Variants in DIP2C observed in about 807,000 individuals in gnomAD.
DIP2C encodes the protein DIP2 acetate--CoA ligase C (putative).
A neutral mutation model predicts 192.4 loss-of-function variants in DIP2C; 33 were observed. The observed-to-expected ratio is 0.17, with a 90% CI of 0.13 to 0.23. The LOEUF (loss-of-function observed/expected upper bound fraction) is 0.23. DIP2C is among the 10% of genes least tolerant of loss of function. The pLI is 1.00. For synonymous variants in DIP2C, 979 were observed against 864.1 expected (o/e 1.13, Z -2.33); for missense variants, 1,537 against 2,110.1 (o/e 0.73, Z 5.32).
At chr10:672,142 C>A (rs545746913) in intron 1 of DIP2C, among the ~76,000 whole-genome samples, 2 of 145,984 alleles carry the variant, frequency 1.4e-5, no homozygotes, top group Non-Finnish European at 3.0e-5. Context: ...GACACATGGA[C>A]GGAGGAAACA....
intron 1 of DIP2C, among the ~76,000 whole-genome samples, chr10:585,870 C>G (rs1039434675): frequency 6.6e-6 from 1 of 152,212 alleles, no homozygotes; most frequent in Non-Finnish European, 1.5e-5. Context: ...TTTATCTATA[C>G]TTAAATGCAT....
chr10:580,083 A>C (rs902155494), intron 1 of DIP2C, among the ~76,000 whole-genome samples: 1 of 152,140 alleles, frequency 6.6e-6, no homozygotes, highest in Non-Finnish European at 1.5e-5. Context: ...TGCATATAGC[A>C]TACACATGCA....
At chr10:598,245 G>A (rs1461491379) in intron 1 of DIP2C, among the ~76,000 whole-genome samples, 1 of 149,378 alleles carries the variant, frequency 6.7e-6, no homozygotes, top group Non-Finnish European at 1.5e-5. Flanking sequence ...CCACCCCAAG[G>A]GCAGCTCACC....
chr10:579,707 T>C (rs1030814921), intron 1 of DIP2C, among the ~76,000 whole-genome samples: 1 of 152,030 alleles, frequency 6.6e-6, no homozygotes, highest in Non-Finnish European at 1.5e-5. Context: ...GTACACATAG[T>C]GTACACACAT....
chr10:420,005 A>C (rs924240524), intron 5 of DIP2C, among the ~76,000 whole-genome samples: 10 of 152,144 alleles, frequency 6.6e-5, no homozygotes, highest in Admixed American at 6.5e-4. Flanking sequence ...TCACACCCAG[A>C]ATCTTGATGA....
At chr10:507,263 C>G (rs1345879257) in intron 1 of DIP2C, among the ~76,000 whole-genome samples, 1 of 151,618 alleles carries the variant, frequency 6.6e-6, no homozygotes, top group East Asian at 1.9e-4. Flanking sequence ...TGGTCACCCG[C>G]TGTGTCCAAT....
chr10:372,176 A>G (rs1468693123), intron 17 of DIP2C, among the ~76,000 whole-genome samples: 3 of 151,696 alleles, frequency 2.0e-5, no homozygotes, highest in Non-Finnish European at 4.4e-5. Flanking sequence ...CCCGGATTCA[A>G]GCCATTCTCC....
chr10:309,186 G>A (rs183734129), intron 32 of DIP2C, among the ~76,000 whole-genome samples: 1 of 152,188 alleles, frequency 6.6e-6, no homozygotes, highest in Admixed American at 6.5e-5. Flanking sequence ...TTCCTCTCTG[G>A]CATCTTAGTG....
chr10:600,015 G>A (rs541933586), intron 1 of DIP2C, among the ~76,000 whole-genome samples: 15 of 152,272 alleles, frequency 9.9e-5, no homozygotes, highest in South Asian at 6.2e-4. Flanking sequence ...TCATGCCAGC[G>A]GGCATCCAGC....
At chr10:400,868 G>A (rs1283225997) in intron 9 of DIP2C, among the ~76,000 whole-genome samples, 11 of 150,592 alleles carry the variant, frequency 7.3e-5, no homozygotes, top group Admixed American at 3.3e-4. Flanking sequence ...TACACGTGTG[G>A]CAGCATTAGC....
chr10:346,589 T>C (rs865815691), intron 26 of DIP2C, among the ~76,000 whole-genome samples: 4 of 45,074 alleles, frequency 8.9e-5, no homozygotes, highest in Non-Finnish European at 1.3e-4. Flanking sequence ...AACCCCACAC[T>C]CACCCAACCC....
At position 366,536 on chromosome 10, in the gene DIP2C, C is replaced by T. The variant is rs1048254555; in HGVS notation, c.2132-125G>A. 5.4e-5 allele frequency: 71 copies of T among 1,320,038 alleles called. No individual in the cohort carries two copies. The Middle Eastern group carries it at 9.3e-4, about 17-fold the overall frequency. The allele number at this position is 1,320,038 out of a possible 1,614,324, so 81.8% of individuals were successfully genotyped here. A position where few individuals can be genotyped will look rare whatever the true frequency, so the allele number is the denominator to read the frequency against. ...GAATGGGGTCTGGAGCAAAACTGCA[C>T]GGATGGTAGTCAGCCAGGCACTCAT... is the stretch of plus-strand genomic sequence containing the variant. On this transcript the variant is annotated intron_variant, in intron 18 of 36. Transcript: ENST00000280886.
chr10:616,042 G>T (rs79339974), intron 1 of DIP2C, among the ~76,000 whole-genome samples: 5,669 of 152,170 alleles, frequency 0.037, 324 homozygotes, highest in African/African-American at 0.13. Flanking sequence ...TCCTGAAGAC[G>T]CTGAGAAAGG....
chr10:298,786 C>G (rs1470807631), intron 32 of DIP2C, among the ~76,000 whole-genome samples: 3 of 152,202 alleles, frequency 2.0e-5, no homozygotes, highest in African/African-American at 7.2e-5. Flanking sequence ...CTTCCAGACC[C>G]TCCCTGTCAC....
chr10:529,333 C>T (rs1190061459), intron 1 of DIP2C, among the ~76,000 whole-genome samples: 1 of 144,350 alleles, frequency 6.9e-6, no homozygotes, highest in East Asian at 2.0e-4. Flanking sequence ...GTGCTCTGTC[C>T]TAGAAGGCAG....
chr10:541,878 CCCTCA>C (rs1404342503), intron 1 of DIP2C, among the ~76,000 whole-genome samples: 1 of 152,178 alleles, frequency 6.6e-6, no homozygotes, highest in Non-Finnish European at 1.5e-5. Context: ...CTCTCGGCCC[CCCTCA>C]CCTCACTTCC....
chr10:499,348 G>C (rs556212497), intron 1 of DIP2C, among the ~76,000 whole-genome samples: 18 of 152,296 alleles, frequency 1.2e-4, no homozygotes, highest in Admixed American at 1.1e-3. Context: ...CCGCTGGGCT[G>C]CATCAGTCTG....
chr10:444,290 G>A (rs888027803), intron 3 of DIP2C, among the ~76,000 whole-genome samples: 3 of 149,864 alleles, frequency 2.0e-5, no homozygotes, highest in African/African-American at 7.6e-5. Flanking sequence ...TTCATGAGGA[G>A]TGTTCCTTGG....
chr10:626,037 T>C (rs535902558), intron 1 of DIP2C, among the ~76,000 whole-genome samples: 6 of 152,310 alleles, frequency 3.9e-5, no homozygotes, highest in South Asian at 2.1e-4. Flanking sequence ...CGAAGCTATT[T>C]ACAAAGTGTT....
Sources: gnomAD v4.1 joint callset for allele counts (sites outside exome capture counted in the v4.1 genomes callset) on GRCh38, gnomAD v4.1.1 for gene constraint, MANE v1.5 for transcripts, NCBI Gene and HGNC (gene_info 2026-07-23, HGNC 2026-07-21) for gene names.